DAB1: variants seen among roughly 807,000 people sequenced by gnomAD.
DAB1 encodes the protein disabled homolog 1.
DAB1 carries 15 observed loss-of-function variants against 64.6 expected under a neutral mutation model. The ratio of observed to expected loss-of-function variants is 0.23; its 90% CI spans 0.16 to 0.36. The LOEUF (loss-of-function observed/expected upper bound fraction) is 0.36. DAB1 is among the 10% of genes least tolerant of loss of function. The probability of loss-of-function intolerance (pLI) is 1.00; values close to 1 mark genes in which losing one functional copy is unlikely to be tolerated. For synonymous variants in DAB1, 235 were observed against 251.9 expected, an observed-to-expected ratio of 0.93 and a Z score of 0.64; for missense variants, 596 against 706.7, an observed-to-expected ratio of 0.84 and a Z score of 1.78.
chr1:57,431,253 C>G (rs763960691), intron 7 of DAB1, among the ~76,000 whole-genome samples: 4 of 150,892 alleles, frequency 2.7e-5, no homozygotes, highest in Non-Finnish European at 5.9e-5. Context: ...CATGCATGAA[C>G]AAATTACAAA....
chr1:58,473,308 C>T (rs906778995), intron 3 of DAB1, among the ~76,000 whole-genome samples: 1 of 150,994 alleles, frequency 6.6e-6, no homozygotes, highest in Non-Finnish European at 1.5e-5. Context: ...TTTGGGAGGC[C>T]GAGGCGGGTG....
At chr1:58,121,477 A>T (rs190461539) in intron 5 of DAB1, among the ~76,000 whole-genome samples, 96 of 152,208 alleles carry the variant, frequency 6.3e-4, no homozygotes, top group African/African-American at 2.2e-3. Flanking sequence ...CCTACCACCT[A>T]AGTAAATATC....
chr1:57,065,026 G>C (rs112201422), intron 8 of DAB1, among the ~76,000 whole-genome samples: 1 of 152,098 alleles, frequency 6.6e-6, no homozygotes, highest in African/African-American at 2.4e-5. Flanking sequence ...TGCTCACTAC[G>C]GGCACTTAGC....
chr1:57,237,696 A>C (rs1352221619), intron 2 of DAB1, among the ~76,000 whole-genome samples: 1 of 152,236 alleles, frequency 6.6e-6, no homozygotes, highest in Non-Finnish European at 1.5e-5. Flanking sequence ...GTTTCAAAAC[A>C]TCATTCCCAC....
At chr1:58,203,035 G>A (rs190008285) in intron 4 of DAB1, among the ~76,000 whole-genome samples, 1 of 152,270 alleles carries the variant, frequency 6.6e-6, no homozygotes, top group East Asian at 1.9e-4. Flanking sequence ...CATTGTGCTG[G>A]AGTCTTGGAA....
intron 1 of DAB1, among the ~76,000 whole-genome samples, chr1:57,347,742 A>G (rs998427516): frequency 2.6e-5 from 4 of 152,182 alleles, no homozygotes; most frequent in Non-Finnish European, 4.4e-5. Flanking sequence ...GGCATAGCTA[A>G]TCCAAAGGCC....
At chr1:57,551,007 G>A (rs1400738958) in intron 7 of DAB1, among the ~76,000 whole-genome samples, 1 of 152,158 alleles carries the variant, frequency 6.6e-6, no homozygotes, top group African/African-American at 2.4e-5. Context: ...CAGGAATCTG[G>A]ATATCTCAGG....
chr1:58,145,749 G>A (rs1365273912), intron 5 of DAB1, among the ~76,000 whole-genome samples: 4 of 152,222 alleles, frequency 2.6e-5, no homozygotes, highest in Admixed American at 2.0e-4. Flanking sequence ...TACTACATCT[G>A]CTGGTCCAAT....
intron 4 of DAB1, among the ~76,000 whole-genome samples, chr1:57,118,343 G>C (rs928153553): frequency 5.9e-5 from 9 of 152,160 alleles, no homozygotes; most frequent in Middle Eastern, 3.4e-3. Flanking sequence ...AAGTCTGAAG[G>C]GGCCACATAA....
At chr1:57,913,722 T>C (rs1644683279) in intron 5 of DAB1, among the ~76,000 whole-genome samples, 1 of 151,806 alleles carries the variant, frequency 6.6e-6, no homozygotes, top group Admixed American at 6.6e-5. Flanking sequence ...GTCCAGAATC[T>C]ACAAAGAACT....
chr1:57,357,792 T>C (rs1679237533), intron 1 of DAB1, among the ~76,000 whole-genome samples: 1 of 151,854 alleles, frequency 6.6e-6, no homozygotes, highest in African/African-American at 2.4e-5. Context: ...GGAAATCCCC[T>C]TATAAAACCA....
At chr1:58,485,821 G>A (rs1347701182) in intron 3 of DAB1, among the ~76,000 whole-genome samples, 1 of 152,046 alleles carries the variant, frequency 6.6e-6, no homozygotes, top group Non-Finnish European at 1.5e-5. Context: ...CTTAACAAAC[G>A]CATGCTAAAT....
At chr1:57,746,669 G>A (rs1226019657) in intron 6 of DAB1, among the ~76,000 whole-genome samples, 1 of 152,010 alleles carries the variant, frequency 6.6e-6, no homozygotes, top group African/African-American at 2.4e-5. Flanking sequence ...ATATCCTTCC[G>A]TATACTTTAA....
intron 6 of DAB1, among the ~76,000 whole-genome samples, chr1:57,780,595 A>AG (rs5774368): frequency 0.51 from 77,267 of 151,760 alleles, 20,508 homozygotes; most frequent in South Asian, 0.64. Flanking sequence ...AAGAAAAAAA[A>AG]TCCATATTTT....
At chr1:58,370,472 C>T (rs1644256182) in intron 3 of DAB1, among the ~76,000 whole-genome samples, 1 of 150,914 alleles carries the variant, frequency 6.6e-6, no homozygotes, top group South Asian at 2.1e-4. Flanking sequence ...ATATTGTGAT[C>T]ATGGCTGCCT....
At chr1:57,809,918 C>T (rs553900023) in intron 6 of DAB1, among the ~76,000 whole-genome samples, 7 of 152,244 alleles carry the variant, frequency 4.6e-5, no homozygotes, top group African/African-American at 1.7e-4. Context: ...AGACAAAACC[C>T]CATCTGACCC....
chr1:57,538,463 C>T (rs1428490327), intron 7 of DAB1, among the ~76,000 whole-genome samples: 1 of 152,150 alleles, frequency 6.6e-6, no homozygotes, highest in African/African-American at 2.4e-5. Flanking sequence ...GGAATTTTGA[C>T]CAGCAGCAGG....
At chr1:58,099,540 G>A (rs139373712) in intron 5 of DAB1, among the ~76,000 whole-genome samples, 7 of 152,268 alleles carry the variant, frequency 4.6e-5, no homozygotes, top group East Asian at 3.9e-4. Flanking sequence ...TTTGCTATGC[G>A]CCAGGCAGGT....
chr1:57,424,833 G>C (rs180980444), upstream of DAB1, among the ~76,000 whole-genome samples: 2 of 152,246 alleles, frequency 1.3e-5, no homozygotes, highest in Non-Finnish European at 2.9e-5. Context: ...CCTCAGGAGA[G>C]ACCCGTGCCC....
Sources: allele counts gnomAD v4.1 joint callset (sites outside exome capture counted in the v4.1 genomes callset), GRCh38; gene constraint gnomAD v4.1.1; transcripts MANE v1.5; gene names NCBI Gene and HGNC (gene_info 2026-07-23, HGNC 2026-07-21).